Variants in DPP10 observed in about 807,000 individuals in gnomAD.
DPP10 encodes dipeptidyl peptidase like 10, also known as inactive dipeptidyl peptidase 10.
In DPP10, 33 loss-of-function variants were observed where a neutral mutation model predicts 120.9. That is an observed-to-expected ratio of 0.27 (90% confidence interval 0.21 to 0.37). The LOEUF is 0.37. Among genes scored for constraint, DPP10 ranks in the 10% least tolerant of loss-of-function variants. The pLI, the probability that DPP10 is intolerant of heterozygous loss-of-function variation, is 1.00. For synonymous variants in DPP10, 337 were observed against 326.1 expected, an observed-to-expected ratio of 1.03 and a Z score of -0.36; for missense variants, 816 against 942.8, an observed-to-expected ratio of 0.87 and a Z score of 1.76.
At chr2:114,492,125 T>G (rs969997136) in intron 1 of DPP10, among the ~76,000 whole-genome samples, 1 of 152,182 alleles carries the variant, frequency 6.6e-6, no homozygotes, top group Non-Finnish European at 1.5e-5. Flanking sequence ...TGAAAGTGTT[T>G]GTTACAGCTG....
intron 1 of DPP10, among the ~76,000 whole-genome samples, chr2:114,630,445 G>A (rs921339556): frequency 6.6e-6 from 1 of 152,162 alleles, no homozygotes; most frequent in Non-Finnish European, 1.5e-5. Flanking sequence ...TTTATGAAAT[G>A]AGAGTCGAGT....
At chr2:115,124,645 A>G (rs915187019) in intron 1 of DPP10, among the ~76,000 whole-genome samples, 1 of 152,166 alleles carries the variant, frequency 6.6e-6, no homozygotes, top group African/African-American at 2.4e-5. Context: ...GCAATTTCCT[A>G]ATACCTAGAA....
chr2:115,228,855 C>A (rs375275737), intron 1 of DPP10, among the ~76,000 whole-genome samples: 19 of 152,224 alleles, frequency 1.2e-4, no homozygotes, highest in African/African-American at 3.9e-4. Context: ...GCAGGTATCC[C>A]TGTGATACAC....
At chr2:115,519,576 C>A (rs2077686892) in intron 4 of DPP10, among the ~76,000 whole-genome samples, 1 of 152,172 alleles carries the variant, frequency 6.6e-6, no homozygotes, top group Admixed American at 6.5e-5. Context: ...TTAAAATTTT[C>A]TGCATATATA....
At chr2:115,045,582 C>T (rs1045213522) in intron 1 of DPP10, among the ~76,000 whole-genome samples, 7 of 152,118 alleles carry the variant, frequency 4.6e-5, no homozygotes, top group Non-Finnish European at 7.4e-5. Context: ...TGCAAAGTCC[C>T]GCAATCACTG....
At chr2:114,583,183 C>T (rs1690683037) in intron 1 of DPP10, among the ~76,000 whole-genome samples, 1 of 152,232 alleles carries the variant, frequency 6.6e-6, no homozygotes, top group African/African-American at 2.4e-5. Context: ...AGTATATGTG[C>T]TTTTGTAATC....
At chr2:115,248,577 A>G (rs1418752172) in intron 1 of DPP10, among the ~76,000 whole-genome samples, 1 of 152,094 alleles carries the variant, frequency 6.6e-6, no homozygotes, top group Non-Finnish European at 1.5e-5. Flanking sequence ...AATAAGTTAT[A>G]CAGAGGTAAT....
intron 5 of DPP10, among the ~76,000 whole-genome samples, chr2:115,617,733 A>G (rs973693975): frequency 6.6e-6 from 1 of 152,120 alleles, no homozygotes; most frequent in Non-Finnish European, 1.5e-5. Context: ...TGATGTTTGC[A>G]AAACAAAATC....
intron 12 of DPP10, among the ~76,000 whole-genome samples, chr2:115,763,018 C>G (rs1219122717): frequency 2.0e-5 from 3 of 152,160 alleles, no homozygotes; most frequent in Non-Finnish European, 4.4e-5. Flanking sequence ...TAGTTGTATT[C>G]TAGCTCACAA....
chr2:115,442,287 T>C (rs772734486), intron 3 of DPP10, among the ~76,000 whole-genome samples: 1 of 152,176 alleles, frequency 6.6e-6, no homozygotes, highest in Non-Finnish European at 1.5e-5. Context: ...CTTGATCAGA[T>C]ATCCAGGTCC....
chr2:115,376,244 G>C (rs1241973744), intron 3 of DPP10, among the ~76,000 whole-genome samples: 1 of 151,824 alleles, frequency 6.6e-6, no homozygotes, highest in African/African-American at 2.4e-5. Flanking sequence ...AGATCTAATG[G>C]GAATGGTAAT....
intron 1 of DPP10, among the ~76,000 whole-genome samples, chr2:114,503,117 A>C (rs1177125227): frequency 2.0e-5 from 3 of 152,200 alleles, no homozygotes; most frequent in African/African-American, 7.2e-5. Flanking sequence ...TGGCTGCTGC[A>C]CCCTTTGCAA....
At chr2:115,818,840 A>T (rs575382202) in intron 21 of DPP10, among the ~76,000 whole-genome samples, 16 of 152,216 alleles carry the variant, frequency 1.1e-4, no homozygotes, top group Non-Finnish European at 1.9e-4. Context: ...CTCAGAGCAA[A>T]TGACTCTGGA....
intron 1 of DPP10, among the ~76,000 whole-genome samples, chr2:114,714,761 TG>T (rs1280215743): frequency 5.9e-5 from 9 of 152,150 alleles, no homozygotes; most frequent in African/African-American, 9.7e-5. Context: ...AGTCTATGAT[TG>T]TTTTTTTTGT....
intron 1 of DPP10, among the ~76,000 whole-genome samples, chr2:114,551,860 T>C (rs1457721068): frequency 6.6e-6 from 1 of 152,246 alleles, no homozygotes; most frequent in Non-Finnish European, 1.5e-5. Flanking sequence ...TTGCAGTTCA[T>C]GTTAACATTC....
chr2:114,925,942 C>G (rs559202474), intron 1 of DPP10, among the ~76,000 whole-genome samples: 1 of 152,148 alleles, frequency 6.6e-6, no homozygotes, highest in Admixed American at 6.5e-5. Context: ...ACATACTAAG[C>G]ACGGTATTCA....
intron 1 of DPP10, among the ~76,000 whole-genome samples, chr2:114,974,778 T>G (rs1394475714): frequency 6.6e-6 from 1 of 152,132 alleles, no homozygotes; most frequent in African/African-American, 2.4e-5. Context: ...GTAGGCCCTA[T>G]GATGTTTGCA....
chr2:114,892,067 G>A (rs1692587365), intron 1 of DPP10, among the ~76,000 whole-genome samples: 1 of 152,124 alleles, frequency 6.6e-6, no homozygotes, highest in Admixed American at 6.5e-5. Flanking sequence ...ATGTCTCTGG[G>A]CTGAAAACTA....
chr2:115,659,914 A>G (rs899783439), intron 5 of DPP10, among the ~76,000 whole-genome samples: 2 of 152,214 alleles, frequency 1.3e-5, no homozygotes, highest in African/African-American at 4.8e-5. Flanking sequence ...TTTGTATGCC[A>G]TCACTTCTAG....
Sources: allele counts gnomAD v4.1 joint callset (sites outside exome capture counted in the v4.1 genomes callset), GRCh38; gene constraint gnomAD v4.1.1; transcripts MANE v1.5; gene names NCBI Gene and HGNC (gene_info 2026-07-23, HGNC 2026-07-21).